The following CFAP54 variants were observed in gnomAD, a reference collection of about 807,000 sequenced individuals.
CFAP54 encodes cilia- and flagella-associated protein 54.
In CFAP54, 290 loss-of-function variants were observed where a neutral mutation model predicts 370.4. The observed-to-expected ratio is 0.78, with a 90% confidence interval of 0.71 to 0.86. The LOEUF is 0.86. Ranked by LOEUF, CFAP54 falls within the 40% of genes least tolerant of loss-of-function variation. The pLI is 0.00. For missense variants in CFAP54, 3,399 were observed against 3,528.7 expected, an observed-to-expected ratio of 0.96 and a Z score of 0.93; for synonymous variants, 1,206 against 1,236.5, an observed-to-expected ratio of 0.98 and a Z score of 0.52.
chr12:96,666,318 A>C (rs892704089), intron 39 of CFAP54, among the ~76,000 whole-genome samples: 3 of 152,182 alleles, frequency 2.0e-5, no homozygotes, highest in Non-Finnish European at 4.4e-5. Context: ...ACTATGGTTA[A>C]GTTGTAGACC....
At chr12:96,784,922 A>G in intron 61 of CFAP54, 32 bp downstream of exon 61, 1 of 1,368,456 alleles carries the variant, frequency 7.3e-7, no homozygotes. Flanking sequence ...GAGAGAACAT[A>G]TTTCTTTCTA....
chr12:96,803,146 A>T (rs184582835), intron 63 of CFAP54, among the ~76,000 whole-genome samples: 179 of 152,274 alleles, frequency 1.2e-3, no homozygotes, highest in African/African-American at 4.1e-3. Context: ...ACACGTGTGC[A>T]TGTGTCTTTA....
chr12:96,739,663 T>A (rs1958027022), intron 50 of CFAP54, among the ~76,000 whole-genome samples: 1 of 152,204 alleles, frequency 6.6e-6, no homozygotes, highest in Admixed American at 6.5e-5. Flanking sequence ...TCATTTTCAT[T>A]TAAAAATATT....
At chr12:96,861,258 C>T (rs897216511) in intron 67 of CFAP54, among the ~76,000 whole-genome samples, 26 of 152,116 alleles carry the variant, frequency 1.7e-4, no homozygotes, top group Non-Finnish European at 1.5e-5. Flanking sequence ...TTGGATTAAA[C>T]CAGTGGTTCT....
At chr12:96,832,296 T>G (rs1959173765) in intron 66 of CFAP54, among the ~76,000 whole-genome samples, 1 of 150,360 alleles carries the variant, frequency 6.7e-6, no homozygotes, top group African/African-American at 2.4e-5. Context: ...TATATATATA[T>G]AGGTTATAAA....
At chr12:96,629,338 C>G (rs1036872691) in intron 30 of CFAP54, among the ~76,000 whole-genome samples, 7 of 151,902 alleles carry the variant, frequency 4.6e-5, no homozygotes, top group Non-Finnish European at 8.8e-5. Context: ...GAGTCTCGGT[C>G]TGTCGCCCAG....
chr12:96,607,081 G>T (rs1039466519), intron 26 of CFAP54, among the ~76,000 whole-genome samples: 2 of 152,158 alleles, frequency 1.3e-5, no homozygotes, highest in Non-Finnish European at 2.9e-5. Flanking sequence ...GCCATTATTT[G>T]CTTTCTGTTC....
chr12:96,643,761 A>G (rs1012069092), intron 32 of CFAP54, among the ~76,000 whole-genome samples: 11 of 152,210 alleles, frequency 7.2e-5, no homozygotes, highest in Non-Finnish European at 1.3e-4. Flanking sequence ...AATGTTAGAC[A>G]AAATTTTGCT....
intron 25 of CFAP54, among the ~76,000 whole-genome samples, chr12:96,595,705 T>C (rs1956170591): frequency 6.6e-6 from 1 of 152,140 alleles, no homozygotes; most frequent in Non-Finnish European, 1.5e-5. Context: ...AGACTCATAG[T>C]TGACAGCCTT....
In CFAP54 at chr12:96,705,186, A is replaced by T. The variant is rs187544134; in HGVS notation, c.6528+390A>T. Among the ~76,000 whole-genome samples, 13 of 152,292 alleles carry T rather than the reference A, an allele frequency of 8.5e-5. No homozygotes were observed. In the East Asian group the frequency reaches 2.5e-3, roughly 29 times the overall value. ...CATAGAACCAGACGACAGTTAATGCAGATATATACACATGGTTTTTATTTT... is the reference window on the plus strand; with the variant it reads ...CATAGAACCAGACGACAGTTAATGCTGATATATACACATGGTTTTTATTTT... On this transcript the variant is annotated intron_variant, in intron 47 of 67. Transcript: ENST00000524981.
At chr12:96,757,837 G>C (rs1958281096) in intron 58 of CFAP54, among the ~76,000 whole-genome samples, 1 of 152,014 alleles carries the variant, frequency 6.6e-6, no homozygotes, top group African/African-American at 2.4e-5. Flanking sequence ...AAATGTAACT[G>C]TACATAAATA....
Position 96,568,180 on chromosome 12 carries a change from G to A in CFAP54, c.2619+3415G>A, listed in dbSNP as rs530204876. On this transcript the variant is annotated intron_variant, in intron 19 of 67. Transcript: ENST00000524981. ...TTTTTAGGGAGGGAAGAATATACAC[G>A]GACGATTTTCTTTTTTCAGAGATCT... 8.0e-5 allele frequency among the ~76,000 whole-genome samples: 12 copies of A among 149,354 alleles called. No individual in the cohort carries two copies. In the South Asian group the frequency reaches 2.4e-3, roughly 29 times the overall value.
intron 48 of CFAP54, 61 bp downstream of exon 48, chr12:96,708,864 G>C: frequency 7.7e-7 from 1 of 1,301,412 alleles, no homozygotes; most frequent in Non-Finnish European, 1.1e-6. Context: ...TGTTCTCCCA[G>C]CCCCCACTAA....
chr12:96,720,634 G>T (rs1957740162), intron 50 of CFAP54, 69 bp downstream of exon 50: 4 of 1,185,250 alleles, frequency 3.4e-6, no homozygotes, highest in South Asian at 3.2e-5. Flanking sequence ...TTATTAAATA[G>T]ACTTAAATTT....
chr12:96,556,023 C>T (rs964618804), intron 17 of CFAP54, among the ~76,000 whole-genome samples: 1 of 151,736 alleles, frequency 6.6e-6, no homozygotes, highest in African/African-American at 2.4e-5. Context: ...TGCTAGAATA[C>T]CTCATATTCA....
At chr12:96,661,022 C>T (rs1956988686) in intron 38 of CFAP54, among the ~76,000 whole-genome samples, 1 of 152,124 alleles carries the variant, frequency 6.6e-6, no homozygotes, top group African/African-American at 2.4e-5. Flanking sequence ...CCACCAGCCT[C>T]CGGGAACCTC....
chr12:96,847,851 C>G (rs189419089), intron 66 of CFAP54, among the ~76,000 whole-genome samples: 271 of 152,278 alleles, frequency 1.8e-3, no homozygotes, highest in African/African-American at 5.3e-3. Context: ...ACATTCTGCT[C>G]TAGAGCTCAA....
At chr12:96,544,821 TACTC>T (rs1214818956) in intron 14 of CFAP54, among the ~76,000 whole-genome samples, 5 of 152,172 alleles carry the variant, frequency 3.3e-5, no homozygotes, top group African/African-American at 9.7e-5. Context: ...AGGGCTTTCT[TACTC>T]ACGGAGACTT....
intron 26 of CFAP54, among the ~76,000 whole-genome samples, chr12:96,606,697 G>A (rs1466551930): frequency 6.6e-6 from 1 of 152,168 alleles, no homozygotes; most frequent in African/African-American, 2.4e-5. Flanking sequence ...GGTAAAGGCT[G>A]GAGGGGGTAT....
Sources: allele counts gnomAD v4.1 joint callset (sites outside exome capture counted in the v4.1 genomes callset), GRCh38; gene constraint gnomAD v4.1.1; transcripts MANE v1.5; gene names NCBI Gene and HGNC (gene_info 2026-07-23, HGNC 2026-07-21).